Variants in MEIS1 observed in about 807,000 individuals in gnomAD.
The protein encoded by MEIS1 is Meis homeobox 1, also known as homeobox protein Meis1.
Under a neutral mutation model 50.8 loss-of-function variants are expected in MEIS1, and 5 were observed. That is an observed-to-expected ratio of 0.10 (90% CI 0.05 to 0.21). MEIS1 has a LOEUF of 0.21. Ranked by LOEUF, MEIS1 falls within the 10% of genes least tolerant of loss-of-function variation. The probability of loss-of-function intolerance (pLI) is 1.00; values close to 1 mark genes in which losing one functional copy is unlikely to be tolerated. For missense variants in MEIS1, 318 were observed against 517.3 expected, an observed-to-expected ratio of 0.61 and a Z score of 3.74; for synonymous variants, 176 against 179.3, an observed-to-expected ratio of 0.98 and a Z score of 0.15.
At chr2:66,469,509 A>C (rs1486016515) in intron 7 of MEIS1, among the ~76,000 whole-genome samples, 1 of 152,182 alleles carries the variant, frequency 6.6e-6, no homozygotes, top group Non-Finnish European at 1.5e-5. Context: ...GTAACGATTT[A>C]TATATCACTC....
At chr2:66,469,072 T>C (rs1672707954) in intron 7 of MEIS1, among the ~76,000 whole-genome samples, 1 of 152,182 alleles carries the variant, frequency 6.6e-6, no homozygotes. Context: ...TATTTCTACA[T>C]GGAAATTTGA....
At chr2:66,557,214 G>A (rs1284047303) in intron 9 of MEIS1, among the ~76,000 whole-genome samples, 1 of 152,092 alleles carries the variant, frequency 6.6e-6, no homozygotes, top group Non-Finnish European at 1.5e-5. Context: ...GGCAGGGCTA[G>A]GACTGGTTCC....
intron 7 of MEIS1, among the ~76,000 whole-genome samples, chr2:66,500,848 A>C (rs1465736033): frequency 2.0e-5 from 3 of 152,256 alleles, no homozygotes; most frequent in Non-Finnish European, 4.4e-5. Context: ...ATACACACAT[A>C]TATACATGCA....
rs373318061 is a variant in MEIS1 at position 66,543,280 on chromosome 2, G to A, written c.889-4663G>A. The stretch of plus-strand genomic sequence containing the variant: ...TTTTATTCTTTGACGGGGTCATTAA[G>A]CAATCACTCTATACTGGTTCATTAT... On this transcript the variant is annotated intron_variant, in intron 8 of 12. Transcript: ENST00000272369. Among the ~76,000 whole-genome samples, 129 of 152,252 alleles carry A rather than the reference G, an allele frequency of 8.5e-4. No homozygotes were observed. The South Asian group carries it at 9.8e-3, about 12-fold the overall frequency.
At chr2:66,511,774 G>A (rs1673835698) in intron 7 of MEIS1, among the ~76,000 whole-genome samples, 1 of 152,108 alleles carries the variant, frequency 6.6e-6, no homozygotes, top group Non-Finnish European at 1.5e-5. Context: ...GAATGCCCAG[G>A]CAGCCATAGC....
intron 8 of MEIS1, among the ~76,000 whole-genome samples, chr2:66,528,670 C>G (rs1038184900): frequency 1.3e-5 from 2 of 152,208 alleles, no homozygotes; most frequent in Non-Finnish European, 2.9e-5. Context: ...TCCTCTATGT[C>G]TCCAGCTTTC....
At chr2:66,498,579 A>G (rs1006260425) in intron 7 of MEIS1, among the ~76,000 whole-genome samples, 14 of 152,178 alleles carry the variant, frequency 9.2e-5, no homozygotes, top group Admixed American at 2.6e-4. Flanking sequence ...TAGGTCAGTT[A>G]GTCTTAGAGA....
intron 7 of MEIS1, among the ~76,000 whole-genome samples, chr2:66,486,626 T>A (rs1159510501): frequency 6.6e-6 from 1 of 152,210 alleles, no homozygotes; most frequent in Non-Finnish European, 1.5e-5. Context: ...TTTCTTCTAA[T>A]TCTGTGAAGA....
At chr2:66,476,680 A>G (rs1672900222) in intron 7 of MEIS1, among the ~76,000 whole-genome samples, 2 of 152,166 alleles carry the variant, frequency 1.3e-5, no homozygotes, top group South Asian at 4.1e-4. Flanking sequence ...TAGCCTTTCC[A>G]TGGTGGCCAT....
chr2:66,469,189 C>T (rs1169605548), intron 7 of MEIS1, among the ~76,000 whole-genome samples: 1 of 134,724 alleles, frequency 7.4e-6, no homozygotes, highest in East Asian at 2.1e-4. Context: ...AATAGTACCA[C>T]TTAAAAAAAA....
At chr2:66,474,064 A>T (rs1482905187) in intron 7 of MEIS1, among the ~76,000 whole-genome samples, 3 of 151,920 alleles carry the variant, frequency 2.0e-5, no homozygotes, top group South Asian at 2.1e-4. Flanking sequence ...AAAAGTCTGT[A>T]CATGTTCAGT....
At chr2:66,490,291 C>A (rs960183801) in intron 7 of MEIS1, among the ~76,000 whole-genome samples, 7 of 152,104 alleles carry the variant, frequency 4.6e-5, no homozygotes, top group Admixed American at 2.6e-4. Context: ...ACTGTGTAGC[C>A]GGATTTGGAG....
chr2:66,534,728 G>A (rs992902793), intron 8 of MEIS1, among the ~76,000 whole-genome samples: 1 of 151,964 alleles, frequency 6.6e-6, no homozygotes, highest in Non-Finnish European at 1.5e-5. Context: ...TGTGTAATTA[G>A]CAACCTTAAG....
intron 6 of MEIS1, among the ~76,000 whole-genome samples, chr2:66,456,457 G>A (rs1380594235): frequency 1.3e-5 from 2 of 152,192 alleles, no homozygotes; most frequent in African/African-American, 4.8e-5. Flanking sequence ...TGGCAAATAT[G>A]ACAGGGCTGG....
At chr2:66,555,822 T>A (rs1210350640) in intron 9 of MEIS1, among the ~76,000 whole-genome samples, 1 of 152,146 alleles carries the variant, frequency 6.6e-6, no homozygotes, top group African/African-American at 2.4e-5. Context: ...AAAGTCAGCC[T>A]GAAATATTAA....
intron 7 of MEIS1, among the ~76,000 whole-genome samples, chr2:66,505,610 TA>T (rs1313418550): frequency 6.6e-6 from 1 of 152,172 alleles, no homozygotes; most frequent in Non-Finnish European, 1.5e-5. Context: ...GTTTCTCAGC[TA>T]TGGTAAACCT....
chr2:66,497,280 T>C (rs1673429448), intron 7 of MEIS1, among the ~76,000 whole-genome samples: 1 of 152,208 alleles, frequency 6.6e-6, no homozygotes, highest in Admixed American at 6.5e-5. Flanking sequence ...AGGATTTGTA[T>C]TCCTTATCTG....
In MEIS1 at chr2:66,437,803, C is replaced by T. The variant is rs1671839241; in HGVS notation, c.79C>T (p.Pro27Ser). Residue 27 changes from proline to serine, a missense_variant, in exon 2 of 13, where the codon CCG (proline) becomes TCG (serine). By Grantham distance (74) the Pro-to-Ser change is moderately conservative. This residue lies in a region of MEIS1 where 100 missense variants were observed against 107.1 expected (regional missense o/e 0.93). Coordinates refer to ENST00000272369, the MANE Select transcript of MEIS1 (RefSeq NM_002398.3). ...VGIPSTMYGD[P>S]HAARSMQPVH... ...CATCCCCTCCACGATGTATGGGGAC[C>T]CGCATGCAGCCAGGTCCATGCAGCC... 9.3e-6 allele frequency: 15 copies of T among 1,613,980 alleles called. No homozygotes were observed. Among genetic ancestry groups the T allele is most frequent in the Non-Finnish European group, 1.3e-5 (15 of 1,179,898 alleles).
chr2:66,518,751 G>T (rs1313420762), intron 8 of MEIS1, among the ~76,000 whole-genome samples: 5 of 152,064 alleles, frequency 3.3e-5, no homozygotes, highest in Admixed American at 2.6e-4. Context: ...CCAACCCCTA[G>T]GAATTTTATG....
Sources: allele counts gnomAD v4.1 joint callset (sites outside exome capture counted in the v4.1 genomes callset), GRCh38; gene constraint gnomAD v4.1.1; regional missense constraint gnomAD v4.1.1; transcripts MANE v1.5; gene names NCBI Gene and HGNC (gene_info 2026-07-23, HGNC 2026-07-21).